Variants in ABCC3 observed in about 807,000 individuals in gnomAD.
ABCC3 encodes ATP-binding cassette sub-family C member 3.
In ABCC3, 121 loss-of-function variants were observed where a neutral mutation model predicts 165.3. That is an observed-to-expected ratio of 0.73 (90% CI 0.63 to 0.85). The LOEUF (loss-of-function observed/expected upper bound fraction) is 0.85. Among genes scored for constraint, ABCC3 ranks in the 40% least tolerant of loss-of-function variants. The pLI is 0.00. For synonymous variants in ABCC3, 733 were observed against 810.1 expected, an observed-to-expected ratio of 0.90 and a Z score of 1.62; for missense variants, 1,869 against 1,964.1, an observed-to-expected ratio of 0.95 and a Z score of 0.92.
chr17:50,653,815 G>A (rs1967165724), intron 1 of ABCC3, among the ~76,000 whole-genome samples: 1 of 151,164 alleles, frequency 6.6e-6, no homozygotes, highest in Non-Finnish European at 1.5e-5. Flanking sequence ...TAACCATGTG[G>A]TCAAGTAGTA....
chr17:50,689,721 C>T (rs1479396077), intron 30 of ABCC3, among the ~76,000 whole-genome samples: 1 of 152,136 alleles, frequency 6.6e-6, no homozygotes, highest in East Asian at 1.9e-4. Context: ...CCTACCCTCA[C>T]CCCCCACTCC....
In ABCC3 at chr17:50,687,702, C is replaced by G. The variant is rs763621949; in HGVS notation, c.4447C>G (p.Arg1483Gly). ...DTCTVLTIAHRLNTIMDYTRV... is the reference protein window; with the variant it reads ...DTCTVLTIAHGLNTIMDYTRV... Reference sequence around the variant, plus strand: ...CTGCACTGTCCTGACCATCGCACACCGGCTTAACACTATCATGGACTACAC... The same window carrying G: ...CTGCACTGTCCTGACCATCGCACACGGGCTTAACACTATCATGGACTACAC... Residue 1483 changes from arginine to glycine, a missense_variant, in exon 30 of 31, where the codon CGG (arginine) becomes GGG (glycine). Coordinates refer to ENST00000285238, the MANE Select transcript of ABCC3 (RefSeq NM_003786.4). 1.2e-6 allele frequency: 2 copies of G among 1,614,204 alleles called. No individual in the cohort carries two copies. The highest frequency in any genetic ancestry group is 1.7e-6 in the Non-Finnish European group (2 of 1,180,034).
chr17:50,639,643 C>G (rs1432926586), intron 1 of ABCC3, among the ~76,000 whole-genome samples: 1 of 152,138 alleles, frequency 6.6e-6, no homozygotes, highest in African/African-American at 2.4e-5. Context: ...TGGCTGGGCC[C>G]CTCCCCTTCC....
intron 19 of ABCC3, 92 bp downstream of exon 19, chr17:50,673,750 G>C: frequency 7.3e-7 from 1 of 1,360,624 alleles, no homozygotes; most frequent in Non-Finnish European, 1.0e-6. Context: ...GCCTAGTGTT[G>C]TGCCAGGCAG....
intron 1 of ABCC3, among the ~76,000 whole-genome samples, chr17:50,644,706 C>T (rs1233133126): frequency 6.6e-6 from 1 of 151,096 alleles, no homozygotes; most frequent in Admixed American, 6.6e-5. Flanking sequence ...AGTGAGACTC[C>T]GTCTCAAAAC....
At chr17:50,687,374 C>T in intron 29 of ABCC3, 162 bp from the exon 30 acceptor site, 1 of 661,088 alleles carries the variant, frequency 1.5e-6, no homozygotes, top group South Asian at 1.9e-5. Flanking sequence ...CAATGGTGTC[C>T]AGACCTCTGC....
intron 7 of ABCC3, 144 bp from the exon 8 acceptor site, chr17:50,660,779 A>T: frequency 7.2e-5 from 40 of 554,224 alleles, no homozygotes; most frequent in East Asian, 1.0e-4. Context: ...TGCAATTCTT[A>T]TGCTGTCTGT....
At chr17:50,654,606 C>A (rs778204688) in intron 1 of ABCC3, among the ~76,000 whole-genome samples, 16 of 152,260 alleles carry the variant, frequency 1.1e-4, no homozygotes, top group Non-Finnish European at 2.4e-4. Context: ...TCTCCATATC[C>A]TTTGGTTCCT....
intron 1 of ABCC3, among the ~76,000 whole-genome samples, chr17:50,643,190 A>G (rs1966923307): frequency 6.6e-6 from 1 of 152,102 alleles, no homozygotes; most frequent in African/African-American, 2.4e-5. Flanking sequence ...TGGGATGTAC[A>G]CTCCGGCCCA....
At chr17:50,661,595 G>A (rs553405703) in intron 8 of ABCC3, among the ~76,000 whole-genome samples, 42 of 152,326 alleles carry the variant, frequency 2.8e-4, no homozygotes, top group African/African-American at 9.9e-4. Context: ...TGAGAGGGTG[G>A]GAAGGAGAGC....
rs201308092 is a variant in ABCC3 at position 50,658,418 on chromosome 17, A to G, written c.613-17A>G. The G allele has an allele frequency of 1.5e-4, 249 of 1,612,352 alleles. 1 individual carries two copies. The highest frequency in any genetic ancestry group is 4.9e-4 in the Middle Eastern group (3 of 6,082). On this transcript the variant is annotated splice_polypyrimidine_tract_variant and intron_variant, in intron 5 of 30. Coordinates refer to ENST00000285238, the MANE Select transcript of ABCC3 (RefSeq NM_003786.4). ...TGGGCACTCCTGATTCCCCCGTCCT[A>G]TTCTCTCGCCTTCTAGAACCCCTAC...
intron 4 of ABCC3, among the ~76,000 whole-genome samples, chr17:50,657,704 A>G (rs1180267795): frequency 1.3e-5 from 2 of 152,206 alleles, no homozygotes; most frequent in African/African-American, 4.8e-5. Flanking sequence ...GTAGCAAAGA[A>G]CATAGGCTGT....
intron 17 of ABCC3, 143 bp downstream of exon 17, chr17:50,669,671 T>TCTG: frequency 1.2e-6 from 1 of 845,546 alleles, no homozygotes; most frequent in Non-Finnish European, 1.8e-6. Context: ...GGGAAACAGA[T>TCTG]CTATTAGCAG....
chr17:50,682,040 C>T (rs1410117288), intron 26 of ABCC3, among the ~76,000 whole-genome samples: 8 of 152,162 alleles, frequency 5.3e-5, no homozygotes, highest in South Asian at 2.1e-4. Flanking sequence ...CGTTCTCTGA[C>T]GCCTCCTTGA....
chr17:50,678,389 A>G (rs1447958551), intron 25 of ABCC3, among the ~76,000 whole-genome samples, 170 bp downstream of exon 25: 1 of 152,148 alleles, frequency 6.6e-6, no homozygotes, highest in Non-Finnish European at 1.5e-5. Context: ...TGAGTTGACA[A>G]GTTTATAACC....
intron 19 of ABCC3, chr17:50,674,545 T>C (rs1010162653): frequency 2.6e-5 from 4 of 152,200 alleles, no homozygotes; most frequent in Non-Finnish European, 5.9e-5. Context: ...CACTAAGCTA[T>C]AGCAGTGAGC....
chr17:50,649,735 AGAAAGAG>A (rs1967077936), intron 1 of ABCC3, among the ~76,000 whole-genome samples: 1 of 151,642 alleles, frequency 6.6e-6, no homozygotes, highest in African/African-American at 2.4e-5. Context: ...GAAGGAAGGA[AGAAAGAG>A]AGAGAGAGAA....
chr17:50,654,684 A>C (rs1967186454), intron 1 of ABCC3, among the ~76,000 whole-genome samples: 1 of 152,218 alleles, frequency 6.6e-6, no homozygotes, highest in Non-Finnish European at 1.5e-5. Context: ...TTCAGAAGAG[A>C]GGCAGCTAAG....
chr17:50,677,987 C>A, intron 24 of ABCC3, 44 bp downstream of exon 24: 1 of 1,613,986 alleles, frequency 6.2e-7, no homozygotes, highest in East Asian at 2.2e-5. Context: ...CAGGAATTCC[C>A]AGCAGGCTCT....
Sources: allele counts gnomAD v4.1 joint callset (sites outside exome capture counted in the v4.1 genomes callset), GRCh38; gene constraint gnomAD v4.1.1; transcripts MANE v1.5; gene names NCBI Gene and HGNC (gene_info 2026-07-23, HGNC 2026-07-21).